Variants in CEP162 observed in about 807,000 individuals in gnomAD.
CEP162 encodes the protein centrosomal protein 162.
Under a neutral mutation model 169.2 loss-of-function variants are expected in CEP162, and 141 were observed. The ratio of observed to expected loss-of-function variants is 0.83; its 90% CI spans 0.73 to 0.96. CEP162 has a LOEUF of 0.96. CEP162 is among the 40% of genes least tolerant of loss of function. The probability of loss-of-function intolerance (pLI) is 0.00; values close to 1 mark genes in which losing one functional copy is unlikely to be tolerated. For missense variants in CEP162, 1,600 were observed against 1,587.2 expected (o/e 1.01, Z -0.14); for synonymous variants, 540 against 526.4 (o/e 1.03, Z -0.35).
rs1202107745 is a variant in CEP162 at position 84,161,046 on chromosome 6, C to T, written c.2677-130G>A. The T allele has an allele frequency of 7.5e-6, 5 of 664,918 alleles. No individual in the cohort carries two copies. The African/African-American group carries it at 9.0e-5, about 12-fold the overall frequency. The allele number at this position is 664,918 out of a possible 1,614,324, so 41.2% of individuals were successfully genotyped here. A position where few individuals can be genotyped will look rare whatever the true frequency, so the allele number is the denominator to read the frequency against. ...AGCAAAATTTGGGGAATTAATTCCT[C>T]AAATTCTTTGAGCTCCTCCCAAGTT... On this transcript the variant is annotated intron_variant, in intron 20 of 26. Coordinates refer to ENST00000403245, the MANE Select transcript of CEP162 (RefSeq NM_014895.4).
chr6:84,180,450 T>C (rs2129227390), intron 13 of CEP162, among the ~76,000 whole-genome samples: 2 of 152,040 alleles, frequency 1.3e-5, no homozygotes, highest in East Asian at 3.9e-4. Flanking sequence ...AGGGATGCCC[T>C]CTCTCACCAC....
chr6:84,160,395 T>A (rs539925634), intron 21 of CEP162, among the ~76,000 whole-genome samples: 1 of 152,116 alleles, frequency 6.6e-6, no homozygotes, highest in African/African-American at 2.4e-5. Context: ...AAGCTGAATG[T>A]TTTGTTTATA....
rs753274480 is a variant in CEP162 at position 84,146,678 on chromosome 6, A to ATTTC, written c.3870+5_3870+8dup. On this transcript the variant is annotated intron_variant, in intron 25 of 26. Coordinates refer to ENST00000403245, the MANE Select transcript of CEP162 (RefSeq NM_014895.4). ...CTTATTTTAGCCCAATATTTTGGCC[A>ATTTC]TTTCTTACCTCTTTCTGTAGAATTT... The ATTTC allele has an allele frequency of 4.1e-6, 6 of 1,457,282 alleles. No homozygotes were observed. In the Admixed American group the frequency reaches 1.3e-4, roughly 32 times the overall value. The allele number at this position is 1,457,282 out of a possible 1,614,324, so 90.3% of individuals were successfully genotyped here. A position where few individuals can be genotyped will look rare whatever the true frequency, so the allele number is the denominator to read the frequency against.
intron 6 of CEP162, among the ~76,000 whole-genome samples, chr6:84,210,414 T>C (rs893041290): frequency 6.6e-6 from 1 of 152,174 alleles, no homozygotes; most frequent in Admixed American, 6.5e-5. Context: ...ATAAAACAAC[T>C]ATTTTCAGAT....
intron 25 of CEP162, among the ~76,000 whole-genome samples, chr6:84,144,239 CAAAT>C (rs2099517886): frequency 6.6e-6 from 1 of 151,852 alleles, no homozygotes; most frequent in South Asian, 2.1e-4. Flanking sequence ...GAATCATTGT[CAAAT>C]AAAGACAATG....
intron 18 of CEP162, among the ~76,000 whole-genome samples, chr6:84,167,953 C>T (rs1411348457): frequency 6.6e-6 from 1 of 152,172 alleles, no homozygotes; most frequent in African/African-American, 2.4e-5. Flanking sequence ...AAACTTACTG[C>T]TATCTTTTTA....
chr6:84,185,139 G>C lies in CEP162; in HGVS notation c.1663+48C>G, dbSNP rs149988374. 11 of 1,468,620 alleles carry C rather than the reference G, an allele frequency of 7.5e-6. No homozygotes were observed. The Admixed American group carries it at 1.6e-4, about 21-fold the overall frequency. 91.0% of individuals were successfully genotyped at this position (1,468,620 alleles called of 1,614,324 possible). A position where few individuals can be genotyped will look rare whatever the true frequency, so the allele number is the denominator to read the frequency against. ...TGTGGTACCTTAATTCTCTTCCATG[G>C]AAGCAAAGAAAGTAAAACAATATAC... On this transcript the variant is annotated intron_variant, in intron 13 of 26. Coordinates refer to ENST00000403245, the MANE Select transcript of CEP162 (RefSeq NM_014895.4).
chr6:84,155,279 GA>G lies in CEP162; in HGVS notation c.2994+18del. On this transcript the variant is annotated intron_variant, in intron 22 of 26. Transcript: ENST00000403245. ...TTGTTCATCTCTGACCTTTATCTCT[GA>G]GGCTACTTACCACTTACCTTCATTT... is the stretch of plus-strand genomic sequence containing the variant. 1 of 1,596,274 alleles carries G rather than the reference GA, an allele frequency of 6.3e-7. No individual in the cohort carries two copies. Among genetic ancestry groups the G allele is most frequent in the South Asian group, 1.1e-5 (1 of 90,454 alleles).
intron 5 of CEP162, among the ~76,000 whole-genome samples, chr6:84,214,800 G>C (rs1451194814): frequency 1.3e-5 from 2 of 152,190 alleles, no homozygotes; most frequent in African/African-American, 2.4e-5. Context: ...GTGTAATAAA[G>C]AGAGGACCAG....
chr6:84,187,039 A>G (rs757413857), intron 11 of CEP162, among the ~76,000 whole-genome samples: 75 of 152,312 alleles, frequency 4.9e-4, no homozygotes, highest in South Asian at 1.7e-3. Flanking sequence ...CATTTCTAGA[A>G]GAAACTAAAG....
At chr6:84,192,894 A>G (rs942792849) in intron 11 of CEP162, among the ~76,000 whole-genome samples, 1 of 152,232 alleles carries the variant, frequency 6.6e-6, no homozygotes, top group Non-Finnish European at 1.5e-5. Context: ...TGTAAGGTTA[A>G]ATTAAATAAT....
intron 25 of CEP162, among the ~76,000 whole-genome samples, chr6:84,141,310 T>C (rs1328400980): frequency 6.6e-6 from 1 of 152,200 alleles, no homozygotes; most frequent in Non-Finnish European, 1.5e-5. Context: ...TTACTGGTAC[T>C]TATGGTAAAA....
At position 84,185,241 on chromosome 6, in the gene CEP162, T is replaced by C. The variant is rs2099536622; in HGVS notation, c.1609A>G (p.Ile537Val). ...TLEKKTSEDI[I>V]KSKNLRSIST... ...ATCGATCTCAAGTTTTTGCTTTTTA[T>C]AATGTCCTCTGAAGTTTTCTTTTCA... Residue 537 changes from isoleucine to valine, a missense_variant, in exon 13 of 27, where the codon ATA becomes GTA. Physicochemically the swap from Ile to Val is conservative, Grantham distance 29 (BLOSUM62 3). Transcript: ENST00000403245. The C allele has an allele frequency of 1.2e-6, 2 of 1,613,444 alleles. No individual in the cohort carries two copies. The highest frequency in any genetic ancestry group is 8.5e-7 in the Non-Finnish European group (1 of 1,179,532).
At chr6:84,169,540 G>A in intron 17 of CEP162, 107 bp from the exon 18 acceptor site, 1 of 588,714 alleles carries the variant, frequency 1.7e-6, no homozygotes, top group Non-Finnish European at 2.9e-6. Context: ...CATTGAAACT[G>A]TATGCATAAA....
intron 24 of CEP162, among the ~76,000 whole-genome samples, chr6:84,146,992 G>A (rs768184814): frequency 6.6e-6 from 1 of 152,066 alleles, no homozygotes; most frequent in Non-Finnish European, 1.5e-5. Context: ...CCACTACTGG[G>A]TATCTATCCA....
intron 13 of CEP162, among the ~76,000 whole-genome samples, chr6:84,176,631 T>C (rs1040414369): frequency 7.9e-5 from 12 of 152,222 alleles, no homozygotes; most frequent in African/African-American, 2.7e-4. Context: ...AGAAAAATGC[T>C]TACAGGAACG....
At chr6:84,200,344 C>T (rs961894191) in intron 9 of CEP162, among the ~76,000 whole-genome samples, 37 of 152,172 alleles carry the variant, frequency 2.4e-4, no homozygotes, top group African/African-American at 8.7e-4. Flanking sequence ...TCTCAAAGAC[C>T]TTTATAAGCT....
At position 84,161,892 on chromosome 6, in the gene CEP162, T is replaced by C; in HGVS notation, c.2530A>G (p.Ile844Val). The change falls in exon 20 of 27, where the codon ATA becomes GTA. Residue 844 changes from isoleucine to valine, a missense_variant. Physicochemically the swap from Ile to Val is conservative, Grantham distance 29 (BLOSUM62 3). Transcript: ENST00000403245. ...TTATGTGTTTCTTCTAAAATTTTTA[T>C]TTCATATAATTTCTCACCTATAAGA... ...AYVTGEKLYE[I>V]KILEETHKQE... is the part of the protein sequence containing the mutation. 1 of 1,533,814 alleles carries C rather than the reference T, an allele frequency of 6.5e-7. No homozygotes were observed. Among genetic ancestry groups the C allele is most frequent in the Non-Finnish European group, 8.9e-7 (1 of 1,124,828 alleles).
chr6:84,218,390 A>AG (rs1452257224), intron 3 of CEP162, among the ~76,000 whole-genome samples: 3 of 152,234 alleles, frequency 2.0e-5, no homozygotes, highest in African/African-American at 7.2e-5. Context: ...AGGCCAGCAG[A>AG]GGGTCTTGCT....
Sources: allele counts gnomAD v4.1 joint callset (sites outside exome capture counted in the v4.1 genomes callset), GRCh38; gene constraint gnomAD v4.1.1; transcripts MANE v1.5; gene names NCBI Gene and HGNC (gene_info 2026-07-23, HGNC 2026-07-21).